Variants in SLC4A10 observed in about 807,000 individuals in gnomAD.
SLC4A10 encodes the protein solute carrier family 4 member 10.
Under a neutral mutation model 137.7 loss-of-function variants are expected in SLC4A10, and 42 were observed. That is an observed-to-expected ratio of 0.30 (90% CI 0.24 to 0.39). SLC4A10 has a LOEUF of 0.39. SLC4A10 is among the 10% of genes least tolerant of loss of function. The probability of loss-of-function intolerance (pLI) is 1.00; values close to 1 mark genes in which losing one functional copy is unlikely to be tolerated. For synonymous variants in SLC4A10, 474 were observed against 464.1 expected (o/e 1.02, Z -0.27); for missense variants, 925 against 1,355.0 (o/e 0.68, Z 4.98).
chr2:161,892,698 A>T (rs538073367), intron 10 of SLC4A10, among the ~76,000 whole-genome samples: 1 of 152,116 alleles, frequency 6.6e-6, no homozygotes. Context: ...AATTTAGGCC[A>T]GCATAAAGAA....
chr2:161,937,924 C>T (rs563919186), intron 15 of SLC4A10, among the ~76,000 whole-genome samples: 2 of 152,056 alleles, frequency 1.3e-5, no homozygotes, highest in African/African-American at 4.8e-5. Context: ...TCTCCATACC[C>T]CACCCAAATT....
intron 15 of SLC4A10, among the ~76,000 whole-genome samples, chr2:161,915,299 A>G (rs10211012): frequency 0.33 from 50,044 of 152,086 alleles, 8,587 homozygotes; most frequent in Admixed American, 0.41. Context: ...TCATTGCTCA[A>G]TAAAATTCTT....
intron 1 of SLC4A10, among the ~76,000 whole-genome samples, chr2:161,684,116 C>A (rs2041151853): frequency 6.6e-6 from 1 of 152,124 alleles, no homozygotes; most frequent in African/African-American, 2.4e-5. Context: ...CTAAGTAATT[C>A]ATATAAGTGG....
intron 1 of SLC4A10, among the ~76,000 whole-genome samples, chr2:161,672,880 G>A (rs555421649): frequency 1.3e-5 from 2 of 152,072 alleles, no homozygotes; most frequent in Non-Finnish European, 1.5e-5. Flanking sequence ...TTAAAAATAA[G>A]TATTCAGAAG....
chr2:161,841,440 A>G (rs1219320992), intron 4 of SLC4A10, among the ~76,000 whole-genome samples: 1 of 152,134 alleles, frequency 6.6e-6, no homozygotes, highest in African/African-American at 2.4e-5. Context: ...TTATTATTAG[A>G]AAGACTTTAT....
At chr2:161,949,297 C>T (rs191450817) in intron 18 of SLC4A10, 36 bp downstream of exon 18, 93 of 1,349,652 alleles carry the variant, frequency 6.9e-5, no homozygotes, top group Middle Eastern at 1.8e-4. Flanking sequence ...CCATCTCTCT[C>T]GGTCTAATCT....
intron 1 of SLC4A10, among the ~76,000 whole-genome samples, chr2:161,633,317 ATT>A (rs2033892375): frequency 6.6e-6 from 1 of 151,718 alleles, no homozygotes; most frequent in Non-Finnish European, 1.5e-5. Flanking sequence ...AAAGCAGCTT[ATT>A]TTAGATAATT....
At chr2:161,929,553 G>A (rs902461498) in intron 15 of SLC4A10, among the ~76,000 whole-genome samples, 1 of 152,112 alleles carries the variant, frequency 6.6e-6, no homozygotes. Context: ...CCAATGAGTT[G>A]AGCATCATCT....
intron 26 of SLC4A10, among the ~76,000 whole-genome samples, chr2:161,980,453 G>A (rs896820747): frequency 2.0e-5 from 3 of 152,036 alleles, no homozygotes; most frequent in East Asian, 3.9e-4. Flanking sequence ...GCTCAAGATC[G>A]GCCTGGCCAA....
In SLC4A10 at chr2:161,873,906, A is replaced by G. The variant is rs368036038; in HGVS notation, c.859-10A>G. 8 of 1,589,682 alleles carry G rather than the reference A, an allele frequency of 5.0e-6. No homozygotes were observed. The highest frequency in any genetic ancestry group is 6.8e-6 in the Non-Finnish European group (8 of 1,175,754). ...GTGTACCAGCTTAAGTCTGTTAATTATGCGTGCAGGGACTGGGAGGCCAAC... is the reference window on the plus strand; with the variant it reads ...GTGTACCAGCTTAAGTCTGTTAATTGTGCGTGCAGGGACTGGGAGGCCAAC... On this transcript the variant is annotated splice_polypyrimidine_tract_variant and intron_variant, in intron 7 of 26. Transcript: ENST00000446997.
At chr2:161,774,776 C>T (rs2052109968) in intron 2 of SLC4A10, among the ~76,000 whole-genome samples, 1 of 151,918 alleles carries the variant, frequency 6.6e-6, no homozygotes, top group Admixed American at 6.6e-5. Flanking sequence ...CAAGCTCTCC[C>T]TGTACCAAAC....
intron 1 of SLC4A10, among the ~76,000 whole-genome samples, chr2:161,684,421 A>G (rs955882925): frequency 6.6e-6 from 1 of 152,146 alleles, no homozygotes; most frequent in Non-Finnish European, 1.5e-5. Context: ...ATTTCTGGAA[A>G]AGTGCCCTGG....
chr2:161,892,457 T>C (rs1373609487), intron 10 of SLC4A10, among the ~76,000 whole-genome samples: 1 of 152,066 alleles, frequency 6.6e-6, no homozygotes, highest in South Asian at 2.1e-4. Flanking sequence ...AAACCATTAA[T>C]GGATCTTTAA....
chr2:161,688,711 C>A (rs531800218), intron 1 of SLC4A10, among the ~76,000 whole-genome samples: 2 of 152,142 alleles, frequency 1.3e-5, no homozygotes, highest in African/African-American at 4.8e-5. Context: ...AACTTCTATT[C>A]ACAATTTAGC....
chr2:161,924,562 A>G (rs943014079), intron 15 of SLC4A10, among the ~76,000 whole-genome samples: 2 of 151,040 alleles, frequency 1.3e-5, no homozygotes, highest in East Asian at 1.9e-4. Flanking sequence ...TATGTCATAT[A>G]TAAATCTTGT....
chr2:161,648,662 T>C (rs1159588547), intron 1 of SLC4A10, among the ~76,000 whole-genome samples: 1 of 152,204 alleles, frequency 6.6e-6, no homozygotes, highest in East Asian at 1.9e-4. Flanking sequence ...TTGGTGACTA[T>C]GCTTCCAGAC....
chr2:161,710,832 T>C (rs886180677), intron 1 of SLC4A10: 2 of 347,306 alleles, frequency 5.8e-6, no homozygotes, highest in Non-Finnish European at 1.2e-5. Flanking sequence ...TGATACTGTA[T>C]GTATTTGGTG....
At chr2:161,788,331 C>T (rs1045012237) in intron 2 of SLC4A10, among the ~76,000 whole-genome samples, 8 of 152,026 alleles carry the variant, frequency 5.3e-5, no homozygotes, top group African/African-American at 1.9e-4. Flanking sequence ...CTATACCCTT[C>T]TGACAGTAGG....
At chr2:161,859,602 T>A (rs1463856041) in intron 5 of SLC4A10, among the ~76,000 whole-genome samples, 1 of 120,444 alleles carries the variant, frequency 8.3e-6, no homozygotes, top group African/African-American at 3.3e-5. Flanking sequence ...TTCTTTTTTT[T>A]TTTTTTTTTT....
Sources: allele counts gnomAD v4.1 joint callset (sites outside exome capture counted in the v4.1 genomes callset), GRCh38; gene constraint gnomAD v4.1.1; transcripts MANE v1.5; gene names NCBI Gene and HGNC (gene_info 2026-07-23, HGNC 2026-07-21).